NPAS3: variants seen among roughly 807,000 people sequenced by gnomAD.
NPAS3 encodes neuronal PAS domain protein 3.
A neutral mutation model predicts 73.1 loss-of-function variants in NPAS3; 14 were observed. The ratio of observed to expected loss-of-function variants is 0.19; its 90% CI spans 0.13 to 0.30. NPAS3 has a LOEUF of 0.30. Ranked by LOEUF, NPAS3 falls within the 10% of genes least tolerant of loss-of-function variation. The pLI is 1.00. For synonymous variants in NPAS3, 620 were observed against 541.5 expected (o/e 1.14, Z -2.01); for missense variants, 1,096 against 1,250.0 (o/e 0.88, Z 1.86).
chr14:33,074,982 A>T (rs1419125038), intron 2 of NPAS3, among the ~76,000 whole-genome samples: 1 of 152,218 alleles, frequency 6.6e-6, no homozygotes, highest in East Asian at 1.9e-4. Context: ...TAGAACTTGT[A>T]ATTGAAATAC....
chr14:33,638,124 A>G (rs7153220), intron 5 of NPAS3, among the ~76,000 whole-genome samples: 24,315 of 152,264 alleles, frequency 0.16, 2,793 homozygotes, highest in African/African-American at 0.33. Context: ...AATTATAGCA[A>G]AAAGTATTGG....
chr14:33,333,185 G>A (rs998334985), intron 3 of NPAS3, among the ~76,000 whole-genome samples: 1 of 152,158 alleles, frequency 6.6e-6, no homozygotes, highest in Non-Finnish European at 1.5e-5. Context: ...AGTGCAAACA[G>A]TAGTTTTCAC....
intron 2 of NPAS3, among the ~76,000 whole-genome samples, chr14:33,184,633 G>C (rs2045919981): frequency 6.6e-6 from 1 of 152,110 alleles, no homozygotes; most frequent in African/African-American, 2.4e-5. Flanking sequence ...GATGATAGTG[G>C]CTGAGAGTAG....
intron 6 of NPAS3, among the ~76,000 whole-genome samples, chr14:33,689,766 G>T (rs964770100): frequency 6.6e-6 from 1 of 152,138 alleles, no homozygotes. Context: ...TGTATGCTCA[G>T]TTTTCTTACA....
chr14:33,137,366 T>G (rs2043878840), intron 2 of NPAS3, among the ~76,000 whole-genome samples: 1 of 152,160 alleles, frequency 6.6e-6, no homozygotes, highest in African/African-American at 2.4e-5. Flanking sequence ...CAAAACTGAA[T>G]CATTTACATG....
intron 1 of NPAS3, among the ~76,000 whole-genome samples, chr14:33,050,631 T>C (rs2040670908): frequency 6.7e-6 from 1 of 149,842 alleles, no homozygotes; most frequent in Admixed American, 6.6e-5. Context: ...TTAGAGATGA[T>C]AGATTATCAT....
chr14:32,938,499 G>GAGAGAGAGAGAGAGAAATTGAC, upstream of NPAS3, among the ~76,000 whole-genome samples: 1 of 110,798 alleles, frequency 9.0e-6, no homozygotes, highest in Non-Finnish European at 2.0e-5. Flanking sequence ...GAGAGAGAGA[G>GAGAGAGAGAGAGAGAAATTGAC]AGAGAGAGAG....
At chr14:33,401,183 T>C (rs973196293) in intron 4 of NPAS3, among the ~76,000 whole-genome samples, 9 of 152,138 alleles carry the variant, frequency 5.9e-5, no homozygotes, top group African/African-American at 2.2e-4. Context: ...ATTTATTTAA[T>C]TACAGAAAGC....
At chr14:33,729,881 A>G (rs553325519) in intron 6 of NPAS3, among the ~76,000 whole-genome samples, 2 of 152,254 alleles carry the variant, frequency 1.3e-5, no homozygotes, top group Admixed American at 1.3e-4. Context: ...ACTACCACAG[A>G]TGTCATCCTG....
chr14:33,649,777 T>C lies in NPAS3; in HGVS notation c.559-26434T>C, dbSNP rs146164790. 4.4e-3 allele frequency among the ~76,000 whole-genome samples: 663 copies of C among 152,088 alleles called. 4 individuals are homozygous for C. Among genetic ancestry groups the C allele is most frequent in the African/African-American group, 0.015 (629 of 41,484 alleles). Reference sequence around the variant, plus strand: ...AATCAGAAAACTCTAAGAAACAGACTGCATATAATAAAGGAAATGATGAAT... The same window carrying C: ...AATCAGAAAACTCTAAGAAACAGACCGCATATAATAAAGGAAATGATGAAT... On this transcript the variant is annotated intron_variant, in intron 5 of 11. Coordinates refer to ENST00000356141, the Ensembl canonical transcript of NPAS3.
intron 1 of NPAS3, among the ~76,000 whole-genome samples, chr14:32,967,595 G>A (rs570261722): frequency 6.6e-6 from 1 of 152,288 alleles, no homozygotes; most frequent in East Asian, 1.9e-4. Flanking sequence ...AATGTTCGAT[G>A]TCACTAATCA....
chr14:32,967,286 A>T (rs928099472), intron 1 of NPAS3, among the ~76,000 whole-genome samples: 1 of 152,220 alleles, frequency 6.6e-6, no homozygotes, highest in African/African-American at 2.4e-5. Flanking sequence ...TTACTTTATT[A>T]TAAGAATATA....
intron 3 of NPAS3, among the ~76,000 whole-genome samples, chr14:33,311,607 G>C (rs2043005542): frequency 6.6e-6 from 1 of 152,066 alleles, no homozygotes; most frequent in Non-Finnish European, 1.5e-5. Context: ...AATATGGATT[G>C]CAATACAAGG....
At chr14:33,786,085 A>G (rs1173227870) in intron 9 of NPAS3, among the ~76,000 whole-genome samples, 2 of 152,188 alleles carry the variant, frequency 1.3e-5, no homozygotes, top group African/African-American at 4.8e-5. Flanking sequence ...AGCGGGTAGA[A>G]TTACTGTATC....
chr14:33,025,182 C>CT (rs1482043047), intron 1 of NPAS3, among the ~76,000 whole-genome samples: 3 of 152,160 alleles, frequency 2.0e-5, no homozygotes, highest in African/African-American at 7.2e-5. Context: ...AGGCAGCTGG[C>CT]TTAAACGGTT....
rs377100713 is a variant in NPAS3, at chr14:33,800,226, C to G, written c.1919C>G (p.Pro640Arg). The change falls in exon 12 of 12, where the codon CCC (proline) becomes CGC (arginine). Residue 640 changes from proline (P) to arginine (R), a missense_variant. By Grantham distance (103) the Pro-to-Arg change is moderately radical (BLOSUM62 -2). Transcript: ENST00000356141. This position sits in a 1 kb window ranked among gnomAD's most constrained non-coding sequence, Gnocchi z 6.5. ...GAGCCCCCGCGGCTGCTGTCCTCCC[C>G]CAACAGTGCCTCGGTGCTCAAGATC... The G allele has an allele frequency of 3.1e-6, 5 of 1,612,814 alleles. No homozygotes were observed. Among genetic ancestry groups the G allele is most frequent in the African/African-American group, 2.7e-5 (2 of 74,884 alleles).
At position 33,800,295 on chromosome 14, in the gene NPAS3, G is replaced by A; in HGVS notation, c.1988G>A (p.Ser663Asn). The A allele has an allele frequency of 6.2e-7, 1 of 1,613,472 alleles. No homozygotes were observed. Among genetic ancestry groups the A allele is most frequent in the Non-Finnish European group, 8.5e-7 (1 of 1,179,660 alleles). Residue 663 changes from serine (S) to asparagine (N), a missense_variant, in exon 12 of 12, where the codon AGC becomes AAC. Transcript: ENST00000356141. The surrounding 1 kb of genome is among the most constrained non-coding windows in gnomAD (Gnocchi z 6.5). ...CCCATCAATTTCGACAATGACAGCA[G>A]CATCTGGAACTACCCGCCCAACCGG...
At chr14:33,709,097 A>G (rs906087252) in intron 6 of NPAS3, among the ~76,000 whole-genome samples, 8 of 152,200 alleles carry the variant, frequency 5.3e-5, no homozygotes, top group Admixed American at 4.6e-4. Flanking sequence ...ATGAGTGGAC[A>G]GTTCTCCACA....
At chr14:33,767,056 G>A (rs148499102) in intron 7 of NPAS3, among the ~76,000 whole-genome samples, 13 of 152,340 alleles carry the variant, frequency 8.5e-5, no homozygotes, top group African/African-American at 2.4e-4. Context: ...CTTCAGTTAT[G>A]AGCCGCCTTC....
Sources: allele counts gnomAD v4.1 joint callset (sites outside exome capture counted in the v4.1 genomes callset), GRCh38; gene constraint gnomAD v4.1.1; non-coding constraint Gnocchi (gnomAD v3.1); transcripts MANE v1.5; gene names NCBI Gene and HGNC (gene_info 2026-07-23, HGNC 2026-07-21).